Variants in HNF4G observed in about 807,000 individuals in gnomAD.
HNF4G encodes hepatocyte nuclear factor 4-gamma.
HNF4G carries 21 observed loss-of-function variants against 50.9 expected under a neutral mutation model. The observed-to-expected ratio is 0.41, with a 90% CI of 0.29 to 0.59. HNF4G has a LOEUF of 0.59. HNF4G is among the 20% of genes least tolerant of loss of function. HNF4G has a pLI of 0.26. For synonymous variants in HNF4G, 198 were observed against 185.6 expected (o/e 1.07, Z -0.54); for missense variants, 527 against 559.4 (o/e 0.94, Z 0.58).
chr8:75,496,776 T>C (rs1184891354), intron 2 of HNF4G, among the ~76,000 whole-genome samples: 1 of 151,360 alleles, frequency 6.6e-6, no homozygotes, highest in East Asian at 1.9e-4. Context: ...ATAGAAATTA[T>C]AACGAAGCAG....
At chr8:75,501,462 C>T (rs1270761715) in intron 2 of HNF4G, among the ~76,000 whole-genome samples, 2 of 152,120 alleles carry the variant, frequency 1.3e-5, no homozygotes, top group Admixed American at 1.3e-4. Flanking sequence ...TGTTTGGTAA[C>T]ATTTGGTACA....
chr8:75,528,316 C>T (rs557943062), intron 2 of HNF4G, among the ~76,000 whole-genome samples: 62 of 152,188 alleles, frequency 4.1e-4, no homozygotes, highest in Admixed American at 9.8e-4. Context: ...ACTATAACAT[C>T]GGAAAATATG....
chr8:75,458,388 T>TTC (rs1554571456), intron 1 of HNF4G, among the ~76,000 whole-genome samples: 13 of 149,522 alleles, frequency 8.7e-5, no homozygotes, highest in Non-Finnish European at 1.8e-4. Context: ...TTTTTTTTTT[T>TTC]TTTACTTCTA....
chr8:75,547,696 G>A lies in HNF4G; in HGVS notation c.382+15G>A. 5 of 1,364,530 alleles carry A rather than the reference G, an allele frequency of 3.7e-6. No homozygotes were observed. The highest frequency in any genetic ancestry group is 5.2e-6 in the Non-Finnish European group (5 of 952,950). The allele number at this position is 1,364,530 out of a possible 1,614,324, so 84.5% of individuals were successfully genotyped here. A position where few individuals can be genotyped will look rare whatever the true frequency, so the allele number is the denominator to read the frequency against. ...GAAAAAAGAAGGTAATAATAATGAT[G>A]ATGATAATTAACATTATTGATGAAA... is the stretch of plus-strand genomic sequence containing the variant. On this transcript the variant is annotated intron_variant, in intron 3 of 9. Coordinates refer to ENST00000396423, the MANE Select transcript of HNF4G (RefSeq NM_004133.5).
intron 5 of HNF4G, 33 bp from the exon 6 acceptor site, chr8:75,555,949 A>T: frequency 8.7e-7 from 1 of 1,153,318 alleles, no homozygotes; most frequent in Non-Finnish European, 1.2e-6. Flanking sequence ...TATATATTAT[A>T]ATTAATTGTT....
intron 1 of HNF4G, among the ~76,000 whole-genome samples, chr8:75,486,921 G>C (rs891399541): frequency 1.3e-5 from 2 of 152,148 alleles, no homozygotes; most frequent in African/African-American, 4.8e-5. Context: ...AGGATCACTT[G>C]AGCCTGGGAG....
At chr8:75,465,440 T>C (rs188758139) in intron 1 of HNF4G, among the ~76,000 whole-genome samples, 5 of 152,270 alleles carry the variant, frequency 3.3e-5, no homozygotes, top group East Asian at 3.9e-4. Flanking sequence ...TTGAAGGCAA[T>C]ATTTTATCTG....
chr8:75,437,703 A>T (rs1405948297), intron 1 of HNF4G, among the ~76,000 whole-genome samples: 2 of 152,146 alleles, frequency 1.3e-5, no homozygotes, highest in South Asian at 2.1e-4. Flanking sequence ...TAAAATAAAA[A>T]AAGAAATGTT....
intron 2 of HNF4G, among the ~76,000 whole-genome samples, chr8:75,503,069 A>T (rs963358492): frequency 2.0e-5 from 3 of 152,214 alleles, no homozygotes; most frequent in African/African-American, 7.2e-5. Context: ...GAAGGGCAGC[A>T]GGGGGTTCTG....
chr8:75,511,686 G>C (rs956833680), intron 2 of HNF4G, among the ~76,000 whole-genome samples: 13 of 152,234 alleles, frequency 8.5e-5, no homozygotes, highest in African/African-American at 2.9e-4. Context: ...TGCCTCCCGG[G>C]TTCACGCCAT....
chr8:75,407,732 G>GA (rs143405406), upstream of HNF4G, among the ~76,000 whole-genome samples: 1,484 of 152,264 alleles, frequency 9.7e-3, 17 homozygotes, highest in African/African-American at 0.034. Flanking sequence ...TAGAGATCGG[G>GA]AAAAAGAAAC....
chr8:75,547,019 C>T (rs1806801223), intron 2 of HNF4G, among the ~76,000 whole-genome samples: 1 of 152,116 alleles, frequency 6.6e-6, no homozygotes, highest in South Asian at 2.1e-4. Flanking sequence ...TTTCCACATC[C>T]TCACCAACAT....
intron 1 of HNF4G, among the ~76,000 whole-genome samples, chr8:75,466,637 T>TTCCTTCG (rs1563517767): frequency 4.7e-5 from 1 of 21,206 alleles, no homozygotes; most frequent in African/African-American, 1.4e-4. Context: ...TCCTTCCTTC[T>TTCCTTCG]CCCTTCCCTT....
intron 6 of HNF4G, among the ~76,000 whole-genome samples, chr8:75,557,367 C>A (rs575617589): frequency 3.3e-5 from 5 of 152,170 alleles, no homozygotes; most frequent in Non-Finnish European, 7.3e-5. Flanking sequence ...TGCCTGTAAT[C>A]CCAGCACTTT....
At chr8:75,535,334 T>C (rs781378504), upstream of HNF4G, among the ~76,000 whole-genome samples, 1 of 142,700 alleles carries the variant, frequency 7.0e-6, no homozygotes, top group Non-Finnish European at 1.5e-5. Flanking sequence ...ATTAGGACAG[T>C]GGCAGCAAGG....
At position 75,434,675 on chromosome 8, in the gene HNF4G, A is replaced by AACACACACACACAC. The variant is rs36098920; in HGVS notation, c.-144+26531_-144+26544dup. On this transcript the variant is annotated intron_variant, in intron 1 of 10. Coordinates refer to the HNF4G transcript ENST00000354370. ...ATTCCAGAACACAAACAACAAGGCC[A>AACACACACACACAC]ACACACACACACACACACACACACA... 2.2e-3 allele frequency among the ~76,000 whole-genome samples: 319 copies of AACACACACACACAC among 145,784 alleles called. 2 individuals are homozygous for AACACACACACACAC. Among genetic ancestry groups the AACACACACACACAC allele is most frequent in the African/African-American group, 7.7e-3 (306 of 39,764 alleles).
At chr8:75,543,385 G>GA (rs1292987133) in intron 1 of HNF4G, among the ~76,000 whole-genome samples, 1 of 152,108 alleles carries the variant, frequency 6.6e-6, no homozygotes, top group East Asian at 1.9e-4. Context: ...AGTTCTAGGG[G>GA]AAAAATGAAA....
At chr8:75,496,253 A>T (rs976333747) in intron 2 of HNF4G, among the ~76,000 whole-genome samples, 5 of 152,130 alleles carry the variant, frequency 3.3e-5, no homozygotes, top group African/African-American at 1.2e-4. Context: ...ATTGGTTTTT[A>T]AAAAATACTA....
chr8:75,439,969 A>G (rs371850663), intron 1 of HNF4G, among the ~76,000 whole-genome samples: 10 of 151,902 alleles, frequency 6.6e-5, no homozygotes, highest in South Asian at 2.1e-4. Context: ...CAGTTTCCAC[A>G]TACAGTATTG....
Sources: gnomAD v4.1 joint callset for allele counts (sites outside exome capture counted in the v4.1 genomes callset) on GRCh38, gnomAD v4.1.1 for gene constraint, MANE v1.5 for transcripts, NCBI Gene and HGNC (gene_info 2026-07-23, HGNC 2026-07-21) for gene names.